The following BEGAIN variants were observed in gnomAD, a reference collection of about 807,000 sequenced individuals.
The protein encoded by BEGAIN is brain-enriched guanylate kinase-associated protein.
In BEGAIN, 19 loss-of-function variants were observed where a neutral mutation model predicts 35.8. The observed-to-expected ratio is 0.53, with a 90% CI of 0.37 to 0.78. BEGAIN has a LOEUF of 0.78. Ranked by LOEUF, BEGAIN falls within the 30% of genes least tolerant of loss-of-function variation. The pLI is 0.00. For missense variants in BEGAIN, 795 were observed against 853.6 expected (o/e 0.93, Z 0.85); for synonymous variants, 462 against 388.6 (o/e 1.19, Z -2.22).
At chr14:100,550,846 G>A (rs2033119716) in intron 2 of BEGAIN, among the ~76,000 whole-genome samples, 1 of 152,200 alleles carries the variant, frequency 6.6e-6, no homozygotes, top group Non-Finnish European at 1.5e-5. Context: ...CCATCACTGG[G>A]CGGGGGGCGC....
chr14:100,570,078 C>T (rs1008659008), intron 1 of BEGAIN, among the ~76,000 whole-genome samples: 1 of 152,212 alleles, frequency 6.6e-6, no homozygotes, highest in Non-Finnish European at 1.5e-5. Context: ...GACCCCACTG[C>T]TCAGGAGCCT....
chr14:100,572,092 C>A (rs2035096680), intron 1 of BEGAIN, among the ~76,000 whole-genome samples: 1 of 152,208 alleles, frequency 6.6e-6, no homozygotes, highest in Admixed American at 6.5e-5. Context: ...CCTGCTCTCA[C>A]AGCAGGGTCC....
chr14:100,540,426 G>A (rs1028744250), intron 6 of BEGAIN, 70 bp downstream of exon 6: 12 of 1,186,190 alleles, frequency 1.0e-5, no homozygotes, highest in Non-Finnish European at 1.4e-5. Flanking sequence ...AATGGCTTTG[G>A]GGTAGCACTG....
At chr14:100,545,379 G>A in intron 3 of BEGAIN, 1 of 1,194,000 alleles carries the variant, frequency 8.4e-7, no homozygotes, top group Non-Finnish European at 1.0e-6. Context: ...CGCGGAGCCA[G>A]TTTACTCACA....
rs2034754217 is a variant in BEGAIN, at chr14:100,567,112, C to T, written c.71+799G>A. Reference sequence around the variant, plus strand: ...TGGGCCAGGGGAGACAGTGCTGAAACCCAGCAGCCAGAGCTGGGCCTGCCG... The same window carrying T: ...TGGGCCAGGGGAGACAGTGCTGAAATCCAGCAGCCAGAGCTGGGCCTGCCG... On this transcript the variant is annotated intron_variant, in intron 2 of 6. Transcript: ENST00000554140. The surrounding 1 kb of genome is among the most constrained non-coding windows in gnomAD (Gnocchi z 5.1). 2.0e-5 allele frequency among the ~76,000 whole-genome samples: 3 copies of T among 152,284 alleles called. No homozygotes were observed. Among genetic ancestry groups the T allele is most frequent in the South Asian group, 4.1e-4 (2 of 4,828 alleles).
At chr14:100,541,758 T>C (rs577626224) in intron 5 of BEGAIN, among the ~76,000 whole-genome samples, 9 of 152,158 alleles carry the variant, frequency 5.9e-5, no homozygotes, top group Non-Finnish European at 1.2e-4. Flanking sequence ...GGCACCTGGC[T>C]GAGTACCCAA....
chr14:100,570,194 T>A lies in BEGAIN; in HGVS notation c.43-2255A>T, dbSNP rs183547248. Among the ~76,000 whole-genome samples the A allele has an allele frequency of 1.8e-3, 281 of 152,350 alleles. 5 individuals carry two copies. Among genetic ancestry groups the A allele is most frequent in the Middle Eastern group, 6.8e-3 (2 of 294 alleles). ...ATAAGAATGTATTAAAATTTAATTT[T>A]AAAAATCTAGCATTAATTATTTACA... On this transcript the variant is annotated intron_variant, in intron 1 of 6. Transcript: ENST00000554140.
chr14:100,543,386 TGCAGAGG>T (rs1349302678), intron 5 of BEGAIN, among the ~76,000 whole-genome samples: 1 of 151,598 alleles, frequency 6.6e-6, no homozygotes, highest in Non-Finnish European at 1.5e-5. Flanking sequence ...AATTCGTGAA[TGCAGAGG>T]CAGCTGTCCA....
At chr14:100,581,879 T>C (rs1184358402) in intron 1 of BEGAIN, among the ~76,000 whole-genome samples, 1 of 152,244 alleles carries the variant, frequency 6.6e-6, no homozygotes, top group East Asian at 1.9e-4. Context: ...CACAGGATGT[T>C]GGGAGGACCC....
intron 2 of BEGAIN, among the ~76,000 whole-genome samples, chr14:100,559,182 A>G (rs1409878409): frequency 1.3e-5 from 2 of 152,034 alleles, no homozygotes; most frequent in African/African-American, 4.8e-5. Context: ...GCTGTCTCCG[A>G]GAGCCAAGGG....
At chr14:100,565,232 A>G (rs991363670) in intron 2 of BEGAIN, among the ~76,000 whole-genome samples, 14 of 152,212 alleles carry the variant, frequency 9.2e-5, no homozygotes, top group Admixed American at 5.9e-4. Context: ...AAAAGGCGAC[A>G]GGGAAGACAC....
At chr14:100,560,891 G>A (rs536973967) in intron 2 of BEGAIN, among the ~76,000 whole-genome samples, 10 of 152,188 alleles carry the variant, frequency 6.6e-5, no homozygotes, top group African/African-American at 1.2e-4. Context: ...CCAGAGCCTC[G>A]GTGGGTCCAT....
chr14:100,557,334 C>T (rs548397709), intron 2 of BEGAIN, among the ~76,000 whole-genome samples: 1 of 152,380 alleles, frequency 6.6e-6, no homozygotes, highest in South Asian at 2.1e-4. Context: ...GGCAGACGCA[C>T]ACAAGCCATG....
chr14:100,577,269 C>A, intron 1 of BEGAIN: 1 of 398,734 alleles, frequency 2.5e-6, no homozygotes, highest in Non-Finnish European at 4.4e-6. Flanking sequence ...TGTGGGGAAG[C>A]GGCACATGGG....
At position 100,568,309 on chromosome 14, in the gene BEGAIN, CCCCCG is replaced by C. The variant is rs981083890; in HGVS notation, c.43-375_43-371del. 1.2e-5 allele frequency: 9 copies of C among 745,714 alleles called. No homozygotes were observed. In the Admixed American group the frequency reaches 2.5e-4, roughly 21 times the overall value. The allele number at this position is 745,714 out of a possible 1,614,324, so 46.2% of individuals were successfully genotyped here. On this transcript the variant is annotated intron_variant, in intron 1 of 6. Coordinates refer to ENST00000554140, the MANE Select transcript of BEGAIN (RefSeq NM_001385089.1). The surrounding 1 kb of genome is among the most constrained non-coding windows in gnomAD (Gnocchi z 7.5). ...TCCGGCGGCCGCGGCCCCGCTGCTC[CCCCCG>C]CCCCGCCCGTTAACCCTTCCTGCCC...
In BEGAIN at chr14:100,573,279, A is replaced by AGGGGG. The variant is rs2035128818; in HGVS notation, c.43-5341_43-5340insCCCCC. On this transcript the variant is annotated intron_variant, in intron 1 of 6. Coordinates refer to ENST00000554140, the MANE Select transcript of BEGAIN (RefSeq NM_001385089.1). This position sits in a 1 kb window ranked among gnomAD's most constrained non-coding sequence, Gnocchi z 4.2. ...GTCTGGGGGGAGGGGCTTCCGGAGG[A>AGGGGG]CGGGGCGGGTGAGTCCCGAAGGGGC... Among the ~76,000 whole-genome samples, 1 of 25,116 alleles carries AGGGGG rather than the reference A, an allele frequency of 4.0e-5. No homozygotes were observed. The highest frequency in any genetic ancestry group is 1.1e-3 in the African/African-American group (1 of 920). 16.5% of individuals were successfully genotyped at this position (25,116 alleles called of 152,430 possible).
At chr14:100,562,720 G>T (rs2034370138) in intron 2 of BEGAIN, among the ~76,000 whole-genome samples, 1 of 152,088 alleles carries the variant, frequency 6.6e-6, no homozygotes, top group Non-Finnish European at 1.5e-5. Context: ...GCCTTGACCC[G>T]GTGGCACCCG....
At chr14:100,543,056 G>A (rs2031866419) in intron 5 of BEGAIN, among the ~76,000 whole-genome samples, 3 of 152,132 alleles carry the variant, frequency 2.0e-5, no homozygotes. Context: ...TGCACACCAC[G>A]GTTGCTTCTG....
In BEGAIN at chr14:100,567,690, G is replaced by T. The variant is rs2034821193; in HGVS notation, c.71+221C>A. On this transcript the variant is annotated intron_variant, in intron 2 of 6. Coordinates refer to ENST00000554140, the MANE Select transcript of BEGAIN (RefSeq NM_001385089.1). This position sits in a 1 kb window ranked among gnomAD's most constrained non-coding sequence, Gnocchi z 5.1. ...AGTGGCGCTAGCCCCAGCCCCCGCC[G>T]CAGCGGCCCGGGCCGGCGGAGGAGC... 6.6e-6 allele frequency among the ~76,000 whole-genome samples: 1 copy of T among 151,370 alleles called. No individual in the cohort carries two copies. The highest frequency in any genetic ancestry group is 1.5e-5 in the Non-Finnish European group (1 of 67,752).
Sources: gnomAD v4.1 joint callset for allele counts (sites outside exome capture counted in the v4.1 genomes callset) on GRCh38, gnomAD v4.1.1 for gene constraint, Gnocchi (gnomAD v3.1) non-coding constraint, MANE v1.5 for transcripts, NCBI Gene and HGNC (gene_info 2026-07-23, HGNC 2026-07-21) for gene names.